Variants in ZHX3 observed in about 807,000 individuals in gnomAD.
The protein encoded by ZHX3 is zinc fingers and homeoboxes protein 3.
ZHX3 carries 20 observed loss-of-function variants against 64.5 expected under a neutral mutation model. The observed-to-expected ratio is 0.31, with a 90% CI of 0.22 to 0.45. The LOEUF (loss-of-function observed/expected upper bound fraction) is 0.45. Among genes scored for constraint, ZHX3 ranks in the 20% least tolerant of loss-of-function variants. The pLI is 1.00. For missense variants in ZHX3, 1,041 were observed against 1,195.8 expected (o/e 0.87, Z 1.91); for synonymous variants, 423 against 461.6 (o/e 0.92, Z 1.07).
At chr20:41,286,499 C>A (rs1185574831) in intron 1 of ZHX3, among the ~76,000 whole-genome samples, 3 of 152,198 alleles carry the variant, frequency 2.0e-5, no homozygotes, top group African/African-American at 7.2e-5. Context: ...TTATTATAGT[C>A]AAGATTCCTT....
chr20:41,211,900 T>A (rs1035351281), intron 2 of ZHX3, among the ~76,000 whole-genome samples: 2 of 152,292 alleles, frequency 1.3e-5, no homozygotes, highest in African/African-American at 4.8e-5. Context: ...ACATTTTAAA[T>A]CAAGTGCTTT....
At chr20:41,247,461 A>G (rs2041766610) in intron 2 of ZHX3, among the ~76,000 whole-genome samples, 1 of 152,144 alleles carries the variant, frequency 6.6e-6, no homozygotes, top group South Asian at 2.1e-4. Context: ...CACAATGGAA[A>G]TCATCTGAAT....
At chr20:41,254,383 G>A (rs2042133545) in intron 2 of ZHX3, among the ~76,000 whole-genome samples, 1 of 152,158 alleles carries the variant, frequency 6.6e-6, no homozygotes, top group African/African-American at 2.4e-5. Flanking sequence ...ATTTTTGTGA[G>A]GATTCAGTGA....
At position 41,185,359 on chromosome 20, in the gene ZHX3, C is replaced by G. The variant is rs2036433199; in HGVS notation, c.2861-158G>C. ...CTTCTGCCACCCACTCCCCCACCCT[C>G]CAGCCTGAGGGAATGTGGGTTAAGG... On this transcript the variant is annotated intron_variant, in intron 3 of 3. Coordinates refer to ENST00000683867, the MANE Select transcript of ZHX3 (RefSeq NM_001384317.1). This position sits in a 1 kb window ranked among gnomAD's most constrained non-coding sequence, Gnocchi z 5.0. Among the ~76,000 whole-genome samples the G allele has an allele frequency of 6.6e-6, 1 of 152,156 alleles. No homozygotes were observed. The highest frequency in any genetic ancestry group is 2.4e-5 in the African/African-American group (1 of 41,412).
intron 1 of ZHX3, among the ~76,000 whole-genome samples, chr20:41,273,997 GTTATT>G (rs2043270761): frequency 6.6e-6 from 1 of 152,008 alleles, no homozygotes; most frequent in African/African-American, 2.4e-5. Context: ...TAATTTTAAG[GTTATT>G]TTAAAATGTC....
chr20:41,307,092 T>C (rs2045002321), intron 1 of ZHX3, among the ~76,000 whole-genome samples: 1 of 152,086 alleles, frequency 6.6e-6, no homozygotes, highest in Admixed American at 6.5e-5. Flanking sequence ...AGCTTTGAGG[T>C]AGGCCAAGCC....
At chr20:41,257,024 T>C (rs978807486) in intron 2 of ZHX3, among the ~76,000 whole-genome samples, 4 of 152,096 alleles carry the variant, frequency 2.6e-5, no homozygotes, top group East Asian at 1.9e-4. Flanking sequence ...AGTGAGAACA[T>C]GCATAAACCT....
At chr20:41,312,104 G>A (rs1267437621) in intron 1 of ZHX3, among the ~76,000 whole-genome samples, 4 of 152,202 alleles carry the variant, frequency 2.6e-5, no homozygotes, top group Non-Finnish European at 5.9e-5. Context: ...TGGGGACTTG[G>A]AGAACTTCTT....
intron 3 of ZHX3, among the ~76,000 whole-genome samples, chr20:41,199,370 G>A (rs558311740): frequency 6.6e-6 from 1 of 152,286 alleles, no homozygotes; most frequent in South Asian, 2.1e-4. Context: ...ATCTAATTCT[G>A]TCATGCCTCA....
Position 41,203,247 on chromosome 20 carries a change from G to A in ZHX3, c.1670C>T (p.Ala557Val), listed in dbSNP as rs746604366. The change falls in exon 3 of 4, where the codon GCG becomes GTG. Residue 557 changes from alanine (A) to valine (V), a missense_variant. Physicochemically the swap from Ala to Val is moderately conservative, Grantham distance 64. Coordinates refer to ENST00000683867, the MANE Select transcript of ZHX3 (RefSeq NM_001384317.1). This position sits in a 1 kb window ranked among gnomAD's most constrained non-coding sequence, Gnocchi z 7.1. ...YHCRNLKGSR[A>V]MIPGDHSSII... ...GGAACTGTGATCTCCAGGTATCATC[G>A]CTCTGGAGCCCTTCAAGTTCCGGCA... The A allele has an allele frequency of 1.9e-6, 3 of 1,614,006 alleles. No homozygotes were observed. Among genetic ancestry groups the A allele is most frequent in the Non-Finnish European group, 2.5e-6 (3 of 1,180,016 alleles).
chr20:41,215,011 T>C (rs911037498), intron 2 of ZHX3, among the ~76,000 whole-genome samples: 1 of 152,198 alleles, frequency 6.6e-6, no homozygotes, highest in African/African-American at 2.4e-5. Flanking sequence ...TCCCAGCACT[T>C]GGAAGGCCGA....
rs913986959 is a variant in ZHX3 at position 41,182,074 on chromosome 20, A to C, written c.*3117T>G. 2.6e-5 allele frequency: 4 copies of C among 152,240 alleles called. No individual in the cohort carries two copies. The highest frequency in any genetic ancestry group is 5.9e-5 in the Non-Finnish European group (4 of 68,038). 9.4% of individuals were successfully genotyped at this position (152,240 alleles called of 1,614,324 possible). ...AAATAAAAAAGCTCCTTTATAGTCA[A>C]AAACGAAAACAAGTAATCAAAATAT... On this transcript the variant is annotated 3_prime_UTR_variant, in exon 4 of 4. Coordinates refer to ENST00000683867, the MANE Select transcript of ZHX3 (RefSeq NM_001384317.1). This position sits in a 1 kb window ranked among gnomAD's most constrained non-coding sequence, Gnocchi z 6.1.
chr20:41,255,659 G>A lies in ZHX3; in HGVS notation c.-151+13331C>T, dbSNP rs147405121. On this transcript the variant is annotated intron_variant, in intron 2 of 3. Coordinates refer to ENST00000683867, the MANE Select transcript of ZHX3 (RefSeq NM_001384317.1). ...TATCTACTAAATAATACGTCCCAGA[G>A]CCTCTAGAGGAAGGGCCAGGGAAGA... 9.5e-3 allele frequency among the ~76,000 whole-genome samples: 1,441 copies of A among 152,274 alleles called. 20 individuals are homozygous for A. Among genetic ancestry groups the A allele is most frequent in the Non-Finnish European group, 0.015 (1,052 of 68,008 alleles).
At position 41,204,038 on chromosome 20, in the gene ZHX3, G is replaced by T. The variant is rs2038484909; in HGVS notation, c.879C>A (p.Ala293=). 6.2e-7 allele frequency: 1 copy of T among 1,613,918 alleles called. No individual in the cohort carries two copies. The highest frequency in any genetic ancestry group is 1.1e-5 in the South Asian group (1 of 91,070). Residue 293 remains alanine (A), a synonymous_variant, in exon 3 of 4, where the codon GCC becomes GCA. Transcript: ENST00000683867. This position sits in a 1 kb window ranked among gnomAD's most constrained non-coding sequence, Gnocchi z 6.6. ...QHHVHQPLPT[A]KALPKVMIPL... ...GGATCATCACTTTGGGAAGGGCCTTGGCCGTGGGCAGTGGCTGGTGGACAT... is the reference window on the plus strand; with the variant it reads ...GGATCATCACTTTGGGAAGGGCCTTTGCCGTGGGCAGTGGCTGGTGGACAT...
chr20:41,277,526 ATTC>A (rs2043442747), intron 1 of ZHX3, among the ~76,000 whole-genome samples: 3 of 152,164 alleles, frequency 2.0e-5, no homozygotes, highest in Admixed American at 6.5e-5. Context: ...AGTTCAATTA[ATTC>A]TTAAGACTGA....
intron 1 of ZHX3, among the ~76,000 whole-genome samples, chr20:41,279,544 G>C (rs2146678832): frequency 6.6e-6 from 1 of 152,148 alleles, no homozygotes; most frequent in African/African-American, 2.4e-5. Context: ...AAAAGTATTT[G>C]AGGACTTCTT....
intron 1 of ZHX3, among the ~76,000 whole-genome samples, chr20:41,310,680 G>GT (rs138691524): frequency 0.027 from 3,878 of 145,266 alleles, 130 homozygotes; most frequent in African/African-American, 0.079. Flanking sequence ...TGGGGAAGAG[G>GT]TTTTTTTTTT....
At chr20:41,193,169 T>C (rs1327233211) in intron 3 of ZHX3, among the ~76,000 whole-genome samples, 2 of 152,218 alleles carry the variant, frequency 1.3e-5, no homozygotes, top group African/African-American at 2.4e-5. Context: ...GCCATTTTGG[T>C]TGGGTCTTCC....
At chr20:41,225,693 G>A (rs1463895494) in intron 2 of ZHX3, among the ~76,000 whole-genome samples, 1 of 152,042 alleles carries the variant, frequency 6.6e-6, no homozygotes, top group Non-Finnish European at 1.5e-5. Flanking sequence ...TCGCCATGTT[G>A]GCCAGGCTGG....
Sources: allele counts gnomAD v4.1 joint callset (sites outside exome capture counted in the v4.1 genomes callset), GRCh38; gene constraint gnomAD v4.1.1; non-coding constraint Gnocchi (gnomAD v3.1); transcripts MANE v1.5; gene names NCBI Gene and HGNC (gene_info 2026-07-23, HGNC 2026-07-21).